Variants in KAZN observed in about 807,000 individuals in gnomAD.
The protein encoded by KAZN is kazrin.
A neutral mutation model predicts 87.4 loss-of-function variants in KAZN; 40 were observed. That is an observed-to-expected ratio of 0.46 (90% CI 0.36 to 0.60). The LOEUF is 0.60. Ranked by LOEUF, KAZN falls within the 20% of genes least tolerant of loss-of-function variation. KAZN has a pLI of 0.00. For missense variants in KAZN, 898 were observed against 1,073.9 expected (o/e 0.84, Z 2.29); for synonymous variants, 466 against 458.3 (o/e 1.02, Z -0.22).
intron 8 of KAZN, among the ~76,000 whole-genome samples, chr1:15,079,109 G>T (rs534881167): frequency 1.3e-5 from 2 of 152,148 alleles, no homozygotes; most frequent in Non-Finnish European, 2.9e-5. Flanking sequence ...CCTCACCCTG[G>T]TCTAGAGGCT....
chr1:14,415,347 G>A (rs1371462565), intron 2 of KAZN, among the ~76,000 whole-genome samples: 2 of 152,196 alleles, frequency 1.3e-5, no homozygotes, highest in Admixed American at 1.3e-4. Flanking sequence ...GAAGTAGACA[G>A]AACCATTATA....
intron 1 of KAZN, among the ~76,000 whole-genome samples, chr1:14,654,409 G>GT: frequency 6.6e-6 from 1 of 152,258 alleles, no homozygotes; most frequent in East Asian, 1.9e-4. Context: ...TCAGCCGCAG[G>GT]TAGAGAACCC....
At chr1:14,249,786 A>C (rs1192380333) in intron 2 of KAZN, among the ~76,000 whole-genome samples, 2 of 152,220 alleles carry the variant, frequency 1.3e-5, no homozygotes, top group East Asian at 3.8e-4. Flanking sequence ...GTTGAGCCAG[A>C]AACAGTGTCT....
chr1:15,111,377 T>C (rs1641615478), intron 13 of KAZN, among the ~76,000 whole-genome samples: 2 of 152,138 alleles, frequency 1.3e-5, no homozygotes, highest in African/African-American at 2.4e-5. Context: ...CAAGTGATTC[T>C]CCTGAGGTTC....
intron 2 of KAZN, among the ~76,000 whole-genome samples, chr1:14,435,658 G>A (rs1666338706): frequency 6.6e-6 from 1 of 152,196 alleles, no homozygotes; most frequent in Non-Finnish European, 1.5e-5. Flanking sequence ...GCAGCTGAAG[G>A]CAGCAGTTAA....
At chr1:14,160,403 T>C (rs56135492) in intron 1 of KAZN, among the ~76,000 whole-genome samples, 26,555 of 152,110 alleles carry the variant, frequency 0.17, 2,895 homozygotes, top group East Asian at 0.33. Context: ...TCCAGCACAC[T>C]AAGATGCTTT....
intron 2 of KAZN, among the ~76,000 whole-genome samples, chr1:14,487,688 C>T (rs1216606277): frequency 1.3e-5 from 2 of 152,172 alleles, no homozygotes; most frequent in Non-Finnish European, 2.9e-5. Flanking sequence ...GAATACCTTT[C>T]GGAGGCTAGA....
chr1:14,239,455 C>CTTT (rs386366265), intron 2 of KAZN, among the ~76,000 whole-genome samples: 21,975 of 95,356 alleles, frequency 0.23, 2,519 homozygotes, highest in East Asian at 0.38. Context: ...AGTTGGGTTT[C>CTTT]TTTTTTTTTT....
chr1:14,276,163 GTGTGTGTGT>G (rs1557610041), intron 2 of KAZN, among the ~76,000 whole-genome samples: 32 of 49,602 alleles, frequency 6.5e-4, no homozygotes, highest in African/African-American at 2.3e-3. Flanking sequence ...CTATAAGGGT[GTGTGTGTGT>G]GTGTGTGTGT....
intron 1 of KAZN, among the ~76,000 whole-genome samples, chr1:13,919,133 C>T (rs1462336807): frequency 1.3e-5 from 2 of 152,226 alleles, no homozygotes; most frequent in African/African-American, 2.4e-5. Context: ...GTGAATACAT[C>T]TGTATAACCA....
chr1:15,022,995 G>A (rs749362531), intron 2 of KAZN, among the ~76,000 whole-genome samples: 1 of 152,244 alleles, frequency 6.6e-6, no homozygotes, highest in Non-Finnish European at 1.5e-5. Flanking sequence ...CAGGGGCTGT[G>A]CCGAATGCCA....
At chr1:14,527,200 G>A (rs1032662859) in intron 2 of KAZN, among the ~76,000 whole-genome samples, 9 of 152,092 alleles carry the variant, frequency 5.9e-5, no homozygotes, top group Non-Finnish European at 8.8e-5. Context: ...AAAGACTTCC[G>A]GTCTTAGTCT....
At position 15,081,684 on chromosome 1, in the gene KAZN, C is replaced by T. The variant is rs1640011182; in HGVS notation, c.1223-12496C>T. On this transcript the variant is annotated intron_variant, in intron 8 of 14. Coordinates refer to ENST00000376030, the MANE Select transcript of KAZN (RefSeq NM_201628.3). The surrounding 1 kb of genome is among the most constrained non-coding windows in gnomAD (Gnocchi z 4.1). ...CAGAGCCCTGAGCCTGTGTAAGCTTCACCAGGCAGAGGAAAGTGACAGGCC... is the reference window on the plus strand; with the variant it reads ...CAGAGCCCTGAGCCTGTGTAAGCTTTACCAGGCAGAGGAAAGTGACAGGCC... Among the ~76,000 whole-genome samples, 1 of 152,140 alleles carries T rather than the reference C, an allele frequency of 6.6e-6. No homozygotes were observed. Among genetic ancestry groups the T allele is most frequent in the Admixed American group, 6.5e-5 (1 of 15,280 alleles).
rs140635282 is a variant in KAZN, at chr1:14,629,541, C to T, written c.226+30318C>T. On this transcript the variant is annotated intron_variant, in intron 1 of 14. Coordinates refer to ENST00000376030, the MANE Select transcript of KAZN (RefSeq NM_201628.3). ...AGCAACTCGGGTGAGGTGGCCACGC[C>T]CTGCCTCTTCTTTGCTCCCTCCGGT... Among the ~76,000 whole-genome samples the T allele has an allele frequency of 5.2e-3, 793 of 152,332 alleles. 14 individuals carry two copies. The highest frequency in any genetic ancestry group is 0.018 in the African/African-American group (760 of 41,572).
chr1:14,523,296 C>T (rs1671683203), intron 2 of KAZN, among the ~76,000 whole-genome samples: 1 of 152,138 alleles, frequency 6.6e-6, no homozygotes, highest in African/African-American at 2.4e-5. Context: ...TCTTCATGTC[C>T]CTCCCAGAGT....
chr1:14,644,889 A>T lies in KAZN; in HGVS notation c.226+45666A>T, dbSNP rs1045823631. 2.6e-5 allele frequency among the ~76,000 whole-genome samples: 4 copies of T among 152,284 alleles called. No homozygotes were observed. The South Asian group carries it at 8.3e-4, about 32-fold the overall frequency. On this transcript the variant is annotated intron_variant, in intron 1 of 14. Transcript: ENST00000376030. ...GAAATCGTTGCCTGTTCTTTTGTCT[A>T]GAATGGTGTTGCCTAAGTTGTCTTT... is the stretch of plus-strand genomic sequence containing the variant.
At chr1:14,083,444 G>C (rs973311205) in intron 1 of KAZN, among the ~76,000 whole-genome samples, 6 of 152,200 alleles carry the variant, frequency 3.9e-5, no homozygotes, top group Admixed American at 2.0e-4. Flanking sequence ...TGAAACCTTA[G>C]TTGTCTCATG....
chr1:14,665,590 G>A (rs771902924), intron 1 of KAZN, among the ~76,000 whole-genome samples: 1 of 152,126 alleles, frequency 6.6e-6, no homozygotes, highest in East Asian at 1.9e-4. Flanking sequence ...GAGGGCACAG[G>A]TTCTGTAGGC....
chr1:15,044,558 C>G (rs1673276702), intron 4 of KAZN, among the ~76,000 whole-genome samples: 1 of 152,016 alleles, frequency 6.6e-6, no homozygotes, highest in African/African-American at 2.4e-5. Flanking sequence ...TGAGACCAGC[C>G]TGGGCAACAT....
Sources: gnomAD v4.1 joint callset for allele counts (sites outside exome capture counted in the v4.1 genomes callset) on GRCh38, gnomAD v4.1.1 for gene constraint, Gnocchi (gnomAD v3.1) non-coding constraint, MANE v1.5 for transcripts, NCBI Gene and HGNC (gene_info 2026-07-23, HGNC 2026-07-21) for gene names.